ZDHHC14: variants seen among roughly 807,000 people sequenced by gnomAD.
ZDHHC14 encodes the protein zDHHC palmitoyltransferase 14.
Under a neutral mutation model 47.7 loss-of-function variants are expected in ZDHHC14, and 16 were observed. That is an observed-to-expected ratio of 0.34 (90% CI 0.23 to 0.51). The LOEUF is 0.51. Among genes scored for constraint, ZDHHC14 ranks in the 20% least tolerant of loss-of-function variants. The pLI is 0.97. For missense variants in ZDHHC14, 515 were observed against 662.5 expected, an observed-to-expected ratio of 0.78 and a Z score of 2.44; for synonymous variants, 293 against 278.9, an observed-to-expected ratio of 1.05 and a Z score of -0.50.
At chr6:157,386,275 G>A (rs576979406) in intron 1 of ZDHHC14, among the ~76,000 whole-genome samples, 1 of 152,302 alleles carries the variant, frequency 6.6e-6, no homozygotes, top group Admixed American at 6.5e-5. Flanking sequence ...GGGAGGCCGA[G>A]GCAGGAGGAT....
intron 1 of ZDHHC14, among the ~76,000 whole-genome samples, chr6:157,456,484 A>G (rs1166473972): frequency 6.6e-6 from 1 of 152,128 alleles, no homozygotes; most frequent in Non-Finnish European, 1.5e-5. Flanking sequence ...GAAGGACAGT[A>G]GCTACCTAAA....
At chr6:157,574,196 G>A (rs1203930750) in intron 2 of ZDHHC14, among the ~76,000 whole-genome samples, 3 of 151,556 alleles carry the variant, frequency 2.0e-5, no homozygotes, top group African/African-American at 7.3e-5. Context: ...GCTGAGGCAG[G>A]TGGATCACTT....
At chr6:157,643,679 T>C (rs1258809856) in intron 5 of ZDHHC14, among the ~76,000 whole-genome samples, 3 of 59,094 alleles carry the variant, frequency 5.1e-5, no homozygotes, top group African/African-American at 1.6e-4. Context: ...ATATATATGC[T>C]GTATTTTTTT....
chr6:157,522,757 C>A lies in ZDHHC14; in HGVS notation c.246-19828C>A, dbSNP rs28702480. 1.5e-4 allele frequency among the ~76,000 whole-genome samples: 9 copies of A among 60,828 alleles called. 1 individual carries two copies. The highest frequency in any genetic ancestry group is 8.2e-4 in the African/African-American group (8 of 9,782). 39.9% of individuals were successfully genotyped at this position (60,828 alleles called of 152,430 possible). ...CCTCCCTCCCTCCCTTTCTTCCTCC[C>A]TCCCTCCCTTCTTTCCTCCATCTCT... On this transcript the variant is annotated intron_variant, in intron 1 of 8. Transcript: ENST00000359775.
At position 157,427,164 on chromosome 6, in the gene ZDHHC14, G is replaced by A. The variant is rs1461401670; in HGVS notation, c.245+44898G>A. Among the ~76,000 whole-genome samples, 1 of 152,084 alleles carries A rather than the reference G, an allele frequency of 6.6e-6. No homozygotes were observed. Among genetic ancestry groups the A allele is most frequent in the Non-Finnish European group, 1.5e-5 (1 of 67,994 alleles). Reference sequence around the variant, plus strand: ...TCAGGCGTAGACCTGGAGGGGCATCGGGCCTGGGAGCACAGGAGGAAGGAG... The same window carrying A: ...TCAGGCGTAGACCTGGAGGGGCATCAGGCCTGGGAGCACAGGAGGAAGGAG... On this transcript the variant is annotated intron_variant, in intron 1 of 8. Transcript: ENST00000359775. This position sits in a 1 kb window ranked among gnomAD's most constrained non-coding sequence, Gnocchi z 4.4.
intron 3 of ZDHHC14, among the ~76,000 whole-genome samples, chr6:157,601,560 A>G (rs1215145175): frequency 6.6e-6 from 1 of 152,182 alleles, no homozygotes; most frequent in Non-Finnish European, 1.5e-5. Flanking sequence ...CAAGACATGT[A>G]CTCTCCACAA....
intron 2 of ZDHHC14, among the ~76,000 whole-genome samples, chr6:157,549,256 C>A (rs533185909): frequency 6.6e-6 from 1 of 152,358 alleles, no homozygotes; most frequent in African/African-American, 2.4e-5. Context: ...GAAAGCCGAG[C>A]CTAGTATGCC....
chr6:157,595,890 A>T (rs1784109103), intron 3 of ZDHHC14, among the ~76,000 whole-genome samples: 1 of 152,180 alleles, frequency 6.6e-6, no homozygotes. Flanking sequence ...TATGTATGGG[A>T]GACCCAGAAC....
At chr6:157,604,733 G>A (rs1280600911) in intron 3 of ZDHHC14, among the ~76,000 whole-genome samples, 2 of 151,974 alleles carry the variant, frequency 1.3e-5, no homozygotes, top group East Asian at 1.9e-4. Flanking sequence ...TAGTAGAGAC[G>A]GTGTTTCACC....
intron 1 of ZDHHC14, among the ~76,000 whole-genome samples, chr6:157,488,218 G>T (rs558627946): frequency 3.3e-5 from 5 of 152,280 alleles, no homozygotes; most frequent in African/African-American, 1.2e-4. Context: ...GTGGGAGGCG[G>T]GTATGAAAGG....
chr6:157,465,100 T>G (rs905943709), intron 1 of ZDHHC14, among the ~76,000 whole-genome samples: 14 of 141,288 alleles, frequency 9.9e-5, no homozygotes, highest in Non-Finnish European at 1.5e-4. Context: ...TTTTTTCTCT[T>G]TCTCCTTTTT....
At chr6:157,563,595 C>T (rs965333668) in intron 2 of ZDHHC14, among the ~76,000 whole-genome samples, 2 of 152,192 alleles carry the variant, frequency 1.3e-5, no homozygotes, top group African/African-American at 4.8e-5. Flanking sequence ...GTATCCAGAA[C>T]AAAGCTGGTC....
intron 1 of ZDHHC14, among the ~76,000 whole-genome samples, chr6:157,518,442 G>A (rs900967371): frequency 4.6e-5 from 7 of 152,142 alleles, no homozygotes; most frequent in Non-Finnish European, 7.4e-5. Context: ...GAGGTGATGT[G>A]TGGTTGCCAG....
At chr6:157,511,368 G>A (rs1780475603) in intron 1 of ZDHHC14, among the ~76,000 whole-genome samples, 1 of 149,502 alleles carries the variant, frequency 6.7e-6, no homozygotes, top group Non-Finnish European at 1.5e-5. Context: ...AAGTGGTGGT[G>A]AGAGTGCATG....
At chr6:157,534,558 CA>C (rs1781474464) in intron 1 of ZDHHC14, among the ~76,000 whole-genome samples, 1 of 103,196 alleles carries the variant, frequency 9.7e-6, no homozygotes, top group African/African-American at 7.1e-5. Flanking sequence ...CATTTCATTT[CA>C]TTTCATTTCA....
At chr6:157,523,180 C>T (rs1781022467) in intron 1 of ZDHHC14, among the ~76,000 whole-genome samples, 2 of 151,568 alleles carry the variant, frequency 1.3e-5, no homozygotes, top group South Asian at 4.2e-4. Flanking sequence ...TTCTTAATTT[C>T]CTTTCTTTGA....
At position 157,673,216 on chromosome 6, in the gene ZDHHC14, A is replaced by G. The variant is rs187914888; in HGVS notation, c.*94A>G. Reference sequence around the variant, plus strand: ...TGTCCCACAGCGACTTTCCCAGCCAATGCCACGGTGGAGATGACAGCCCCA... The same window carrying G: ...TGTCCCACAGCGACTTTCCCAGCCAGTGCCACGGTGGAGATGACAGCCCCA... On this transcript the variant is annotated 3_prime_UTR_variant, in exon 9 of 9. Transcript: ENST00000359775. This position sits in a 1 kb window ranked among gnomAD's most constrained non-coding sequence, Gnocchi z 5.4. 3.2e-4 allele frequency: 453 copies of G among 1,437,596 alleles called. 3 individuals carry two copies. The East Asian group carries it at 9.3e-3, about 29-fold the overall frequency. 89.1% of individuals were successfully genotyped at this position (1,437,596 alleles called of 1,614,324 possible).
chr6:157,391,153 G>A (rs1457321884), intron 1 of ZDHHC14, among the ~76,000 whole-genome samples: 1 of 152,134 alleles, frequency 6.6e-6, no homozygotes, highest in African/African-American at 2.4e-5. Context: ...TCTGAGCCCT[G>A]GAAAAACTCT....
intron 2 of ZDHHC14, among the ~76,000 whole-genome samples, chr6:157,548,572 G>T (rs541513495): frequency 6.6e-6 from 1 of 152,226 alleles, no homozygotes; most frequent in Admixed American, 6.5e-5. Flanking sequence ...TCAGCCTCCC[G>T]AGTAGCTGGG....
Sources: allele counts gnomAD v4.1 joint callset (sites outside exome capture counted in the v4.1 genomes callset), GRCh38; gene constraint gnomAD v4.1.1; non-coding constraint Gnocchi (gnomAD v3.1); transcripts MANE v1.5; gene names NCBI Gene and HGNC (gene_info 2026-07-23, HGNC 2026-07-21).